Variants in MTA3 observed in about 807,000 individuals in gnomAD.
The protein encoded by MTA3 is metastasis associated 1 family member 3.
A neutral mutation model predicts 83.5 loss-of-function variants in MTA3; 34 were observed. The ratio of observed to expected loss-of-function variants is 0.41; its 90% CI spans 0.31 to 0.54. The LOEUF is 0.54. Ranked by LOEUF, MTA3 falls within the 20% of genes least tolerant of loss-of-function variation. The pLI is 0.33. For missense variants in MTA3, 761 were observed against 726.4 expected, an observed-to-expected ratio of 1.05 and a Z score of -0.55; for synonymous variants, 303 against 252.7, an observed-to-expected ratio of 1.20 and a Z score of -1.89.
intron 4 of MTA3, among the ~76,000 whole-genome samples, chr2:42,618,224 C>T (rs1339510469): frequency 6.6e-6 from 1 of 152,112 alleles, no homozygotes; most frequent in Admixed American, 6.6e-5. Context: ...AGTGAACCAC[C>T]ATGCTCTGCC....
rs139250974 is a variant in MTA3 at position 42,537,997 on chromosome 2, C to T, written c.-140-32440C>T. The stretch of plus-strand genomic sequence containing the variant: ...CCTGTAATCCCAGCACTTTGGGTGG[C>T]CGAGGCAGGCAGATCACGAGGTCAG... On this transcript the variant is annotated intron_variant, in intron 2 of 17. Transcript: ENST00000405592. Among the ~76,000 whole-genome samples the T allele has an allele frequency of 7.5e-3, 1,146 of 152,146 alleles. 12 individuals are homozygous for T. Among genetic ancestry groups the T allele is most frequent in the African/African-American group, 0.026 (1,082 of 41,488 alleles).
At chr2:42,548,818 T>TATATATATA (rs1676888807) in intron 2 of MTA3, among the ~76,000 whole-genome samples, 1 of 24,410 alleles carries the variant, frequency 4.1e-5, no homozygotes, top group Admixed American at 6.7e-4. Context: ...AAAATATATA[T>TATATATATA]ATATATATAT....
At chr2:42,511,767 C>A (rs923238223) in intron 2 of MTA3, 3 of 152,044 alleles carry the variant, frequency 2.0e-5, no homozygotes, top group Non-Finnish European at 4.4e-5. Flanking sequence ...GCCTGTAATC[C>A]CAGCACTTTG....
In MTA3 at chr2:42,598,634, A is replaced by G. The variant is rs142598474; in HGVS notation, c.191-10824A>G. 1.4e-4 allele frequency among the ~76,000 whole-genome samples: 22 copies of G among 152,334 alleles called. No individual in the cohort carries two copies. In the East Asian group the frequency reaches 3.7e-3, roughly 25 times the overall value. On this transcript the variant is annotated intron_variant, in intron 3 of 16. Coordinates refer to ENST00000405094, the MANE Select transcript of MTA3 (RefSeq NM_001330442.2). ...AAAATTTATTTTGGATAAGATAAATATACTGCATTTTGTTATATGTTTGTA... is the reference window on the plus strand; with the variant it reads ...AAAATTTATTTTGGATAAGATAAATGTACTGCATTTTGTTATATGTTTGTA...
intron 11 of MTA3, chr2:42,703,505 G>A (rs1665780852): frequency 6.6e-6 from 1 of 152,222 alleles, no homozygotes; most frequent in Non-Finnish European, 1.5e-5. Flanking sequence ...TGGCTTTCTC[G>A]AAACACAACC....
In MTA3 at chr2:42,578,509, T is replaced by G. The variant is rs550136910; in HGVS notation, c.97-598T>G. ...ACTAAGTACTGCTTAGAATATTGAC[T>G]CTTAGAGATTCATAGACTTCCTTGG... On this transcript the variant is annotated intron_variant, in intron 2 of 16. Transcript: ENST00000405094. Among the ~76,000 whole-genome samples, 498 of 152,352 alleles carry G rather than the reference T, an allele frequency of 3.3e-3. 3 individuals are homozygous for G. Among genetic ancestry groups the G allele is most frequent in the Middle Eastern group, 6.8e-3 (2 of 294 alleles).
intron 16 of MTA3, among the ~76,000 whole-genome samples, chr2:42,729,331 G>A (rs188772256): frequency 6.6e-6 from 1 of 152,002 alleles, no homozygotes; most frequent in Non-Finnish European, 1.5e-5. Context: ...TCGATCCCCT[G>A]ACCTTGTGAT....
At chr2:42,500,325 G>A (rs1007006834) in intron 2 of MTA3, among the ~76,000 whole-genome samples, 8 of 152,224 alleles carry the variant, frequency 5.3e-5, no homozygotes, top group Middle Eastern at 6.8e-3. Context: ...CTTGGACCTG[G>A]GAGGCGGAGG....
chr2:42,497,887 A>C (rs773842854), intron 2 of MTA3, among the ~76,000 whole-genome samples: 3 of 152,196 alleles, frequency 2.0e-5, no homozygotes, highest in Admixed American at 6.5e-5. Flanking sequence ...AAATAAACAC[A>C]GATTGGATAA....
intron 2 of MTA3, among the ~76,000 whole-genome samples, chr2:42,577,236 A>G (rs934049222): frequency 2.0e-5 from 3 of 151,196 alleles, no homozygotes; most frequent in Admixed American, 6.6e-5. Flanking sequence ...CTGTAGACCC[A>G]TGAGTAACCA....
intron 3 of MTA3, among the ~76,000 whole-genome samples, chr2:42,590,613 CTTTTTTTTT>C (rs746232027): frequency 8.6e-6 from 1 of 115,684 alleles, no homozygotes; most frequent in East Asian, 2.5e-4. Flanking sequence ...TTCATGTTTG[CTTTTTTTTT>C]TTTTTTTTTT....
At chr2:42,742,680 A>G (rs543734521) in intron 16 of MTA3, among the ~76,000 whole-genome samples, 3 of 152,332 alleles carry the variant, frequency 2.0e-5, no homozygotes, top group Non-Finnish European at 4.4e-5. Context: ...TCTCTGACTC[A>G]TAGTAGGTAT....
intron 8 of MTA3, among the ~76,000 whole-genome samples, chr2:42,681,564 G>A (rs1691915974): frequency 1.3e-5 from 2 of 152,080 alleles, no homozygotes; most frequent in Admixed American, 1.3e-4. Context: ...CCAGGCTGGA[G>A]TGCAGTGGCA....
intron 8 of MTA3, among the ~76,000 whole-genome samples, chr2:42,660,217 T>C (rs1369537274): frequency 6.6e-6 from 1 of 152,062 alleles, no homozygotes; most frequent in African/African-American, 2.4e-5. Flanking sequence ...GCCTCCTGAG[T>C]AGTTGGGATT....
chr2:42,565,661 G>C (rs1396749429), upstream of MTA3, among the ~76,000 whole-genome samples: 1 of 152,060 alleles, frequency 6.6e-6, no homozygotes, highest in African/African-American at 2.4e-5. Flanking sequence ...TAGAGAGAAG[G>C]GACCTAACGC....
intron 4 of MTA3, among the ~76,000 whole-genome samples, chr2:42,638,312 C>T (rs1473957269): frequency 2.0e-5 from 3 of 151,976 alleles, no homozygotes; most frequent in South Asian, 2.1e-4. Context: ...TGGCAGCTGT[C>T]GATGTGCTAA....
At chr2:42,620,192 C>T (rs1472094616) in intron 4 of MTA3, among the ~76,000 whole-genome samples, 1 of 149,886 alleles carries the variant, frequency 6.7e-6, no homozygotes, top group African/African-American at 2.5e-5. Flanking sequence ...GATCTTGGCT[C>T]ACTGCAACCT....
rs75141917 is a variant in MTA3, at chr2:42,754,068, C to G, written c.*669C>G. On this transcript the variant is annotated 3_prime_UTR_variant, in exon 17 of 17. Coordinates refer to ENST00000405094, the MANE Select transcript of MTA3 (RefSeq NM_001330442.2). Reference sequence around the variant, plus strand: ...TTCTGACAAAAGATAAGCCTGTAAACTCATCATCTGTGTTTTGTGGTTGGA... The same window carrying G: ...TTCTGACAAAAGATAAGCCTGTAAAGTCATCATCTGTGTTTTGTGGTTGGA... 27 of 985,510 alleles carry G rather than the reference C, an allele frequency of 2.7e-5. No homozygotes were observed. In the East Asian group the frequency reaches 2.9e-3, roughly 108 times the overall value. The allele number at this position is 985,510 out of a possible 1,614,324, so 61.0% of individuals were successfully genotyped here. A position where few individuals can be genotyped will look rare whatever the true frequency, so the allele number is the denominator to read the frequency against.
intron 1 of MTA3, among the ~76,000 whole-genome samples, chr2:42,570,130 G>A (rs761044033): frequency 2.0e-4 from 30 of 152,096 alleles, no homozygotes; most frequent in Non-Finnish European, 4.3e-4. Flanking sequence ...CATGTTTAGC[G>A]TGCCCTGACT....
Sources: allele counts gnomAD v4.1 joint callset (sites outside exome capture counted in the v4.1 genomes callset), GRCh38; gene constraint gnomAD v4.1.1; transcripts MANE v1.5; gene names NCBI Gene and HGNC (gene_info 2026-07-23, HGNC 2026-07-21).